Variants in FANCC observed in about 807,000 individuals in gnomAD.
The protein encoded by FANCC is Fanconi anemia group C protein.
Under a neutral mutation model 71.3 loss-of-function variants are expected in FANCC, and 55 were observed. The observed-to-expected ratio is 0.77, with a 90% confidence interval of 0.62 to 0.97. FANCC has a LOEUF of 0.97. Ranked by LOEUF, FANCC falls within the 50% of genes least tolerant of loss-of-function variation. The pLI is 0.00. For synonymous variants in FANCC, 275 were observed against 244.9 expected, an observed-to-expected ratio of 1.12 and a Z score of -1.15; for missense variants, 678 against 670.9, an observed-to-expected ratio of 1.01 and a Z score of -0.12.
chr9:95,255,292 C>T (rs760843164), intron 1 of FANCC, among the ~76,000 whole-genome samples: 20 of 152,106 alleles, frequency 1.3e-4, no homozygotes, highest in Non-Finnish European at 2.8e-4. Context: ...TCGACAGACA[C>T]CTCATACAGG....
At chr9:95,279,504 TAAAAAAA>T (rs777391112) in intron 1 of FANCC, among the ~76,000 whole-genome samples, 2 of 113,030 alleles carry the variant, frequency 1.8e-5, no homozygotes, top group South Asian at 5.5e-4. Context: ...AGACCCTGTC[TAAAAAAA>T]AAAAAAACAG....
intron 1 of FANCC, among the ~76,000 whole-genome samples, chr9:95,282,492 G>GT (rs1833437342): frequency 6.6e-6 from 1 of 152,070 alleles, no homozygotes. Context: ...TAGTAGAAGA[G>GT]TTTAACACCC....
chr9:95,144,629 G>A (rs1408750882), intron 7 of FANCC, among the ~76,000 whole-genome samples: 3 of 152,296 alleles, frequency 2.0e-5, no homozygotes, highest in African/African-American at 4.8e-5. Flanking sequence ...GGCTAGACAC[G>A]GGGGTGGCTG....
chr9:95,223,260 AT>A (rs1191032056), intron 4 of FANCC, among the ~76,000 whole-genome samples: 2 of 152,124 alleles, frequency 1.3e-5, no homozygotes, highest in Non-Finnish European at 2.9e-5. Flanking sequence ...CTAAGGGCTG[AT>A]ACCTTGTGAG....
At chr9:95,198,274 T>G (rs764825292) in intron 4 of FANCC, among the ~76,000 whole-genome samples, 2 of 152,220 alleles carry the variant, frequency 1.3e-5, no homozygotes, top group Non-Finnish European at 2.9e-5. Flanking sequence ...AATCTGCTAT[T>G]AAAACATTTT....
chr9:95,256,730 G>A (rs959425669), intron 1 of FANCC, among the ~76,000 whole-genome samples: 3 of 152,004 alleles, frequency 2.0e-5, no homozygotes, highest in Non-Finnish European at 4.4e-5. Flanking sequence ...CCAATTAAAG[G>A]ACACAAACTT....
At chr9:95,293,964 A>T (rs1834221332) in intron 1 of FANCC, 1 of 1,585,866 alleles carries the variant, frequency 6.3e-7, no homozygotes, top group Non-Finnish European at 8.7e-7. Flanking sequence ...CAGAGATAGT[A>T]ACTCATAGTT....
chr9:95,110,400 G>A (rs2071822962), intron 13 of FANCC: 1 of 1,024,070 alleles, frequency 9.8e-7, no homozygotes, highest in Non-Finnish European at 1.2e-6. Context: ...TCTTATTACT[G>A]TTAAAAACAT....
rs899561647 is a variant in FANCC at position 95,111,108 on chromosome 9, G to A, written c.1329+355C>T. ...CTGGCTGTGGCCAGGCTCTGCTGCC[G>A]GCACACCCCTCAGAACAGCCCGCCT... On this transcript the variant is annotated intron_variant, in intron 13 of 14. Coordinates refer to ENST00000289081, the MANE Select transcript of FANCC (RefSeq NM_000136.3). 2.6e-5 allele frequency: 40 copies of A among 1,523,564 alleles called. No individual in the cohort carries two copies. In the South Asian group the frequency reaches 3.2e-4, roughly 12 times the overall value. The allele number at this position is 1,523,564 out of a possible 1,614,324, so 94.4% of individuals were successfully genotyped here. A position where few individuals can be genotyped will look rare whatever the true frequency, so the allele number is the denominator to read the frequency against.
At chr9:95,227,705 C>A (rs904485124) in intron 4 of FANCC, among the ~76,000 whole-genome samples, 1 of 152,204 alleles carries the variant, frequency 6.6e-6, no homozygotes, top group Admixed American at 6.5e-5. Flanking sequence ...AAAGTTTTGC[C>A]TTCCAAGTTA....
chr9:95,124,568 T>A (rs551698857), intron 10 of FANCC, among the ~76,000 whole-genome samples: 15 of 152,300 alleles, frequency 9.8e-5, no homozygotes, highest in African/African-American at 2.9e-4. Context: ...CCCTTCTAGT[T>A]AGTCAAGCCT....
At chr9:95,306,554 G>A (rs559273415) in intron 1 of FANCC, among the ~76,000 whole-genome samples, 1 of 152,202 alleles carries the variant, frequency 6.6e-6, no homozygotes, top group African/African-American at 2.4e-5. Context: ...AGTTTCCCTG[G>A]GTAACAGCCA....
At chr9:95,261,090 G>A (rs1225908617) in intron 1 of FANCC, among the ~76,000 whole-genome samples, 1 of 152,202 alleles carries the variant, frequency 6.6e-6, no homozygotes, top group Non-Finnish European at 1.5e-5. Context: ...CAAAGAGGGA[G>A]AGACGTTCAA....
intron 4 of FANCC, among the ~76,000 whole-genome samples, chr9:95,190,896 C>G (rs1588253933): frequency 6.6e-6 from 1 of 152,324 alleles, no homozygotes; most frequent in Middle Eastern, 3.4e-3. Context: ...GGTCTTCTGT[C>G]ATGAAGGGCT....
intron 4 of FANCC, among the ~76,000 whole-genome samples, chr9:95,180,451 C>T (rs1042858291): frequency 2.0e-5 from 3 of 151,062 alleles, no homozygotes; most frequent in East Asian, 1.9e-4. Context: ...GCAATCTTCC[C>T]GCCTCAGCCT....
intron 4 of FANCC, among the ~76,000 whole-genome samples, chr9:95,180,641 CT>C (rs999685824): frequency 1.6e-3 from 231 of 144,110 alleles, no homozygotes; most frequent in Admixed American, 1.9e-3. Flanking sequence ...ATCTGGCCAA[CT>C]TTTTTTTTTT....
intron 6 of FANCC, among the ~76,000 whole-genome samples, chr9:95,157,035 C>T (rs1830492656): frequency 6.6e-6 from 1 of 152,180 alleles, no homozygotes; most frequent in African/African-American, 2.4e-5. Context: ...TTTCTAATTC[C>T]TCTCCTTTCA....
At chr9:95,159,667 T>C (rs547816411) in intron 6 of FANCC, among the ~76,000 whole-genome samples, 1 of 152,338 alleles carries the variant, frequency 6.6e-6, no homozygotes, top group East Asian at 1.9e-4. Context: ...AAAGCATTCC[T>C]ATTTCTCCAC....
rs150507131 is a variant in FANCC, at chr9:95,299,460, C to A, written c.-79+18066G>T. 3.8e-3 allele frequency among the ~76,000 whole-genome samples: 586 copies of A among 152,284 alleles called. 8 individuals are homozygous for A. Among genetic ancestry groups the A allele is most frequent in the African/African-American group, 0.014 (565 of 41,550 alleles). ...ACTGAAACCGTTATCCACATCTAAC[C>A]GCCTTCTTGGAGCAAAACCTTGTTT... On this transcript the variant is annotated intron_variant, in intron 1 of 14. Transcript: ENST00000289081.
Sources: gnomAD v4.1 joint callset for allele counts (sites outside exome capture counted in the v4.1 genomes callset) on GRCh38, gnomAD v4.1.1 for gene constraint, MANE v1.5 for transcripts, NCBI Gene and HGNC (gene_info 2026-07-23, HGNC 2026-07-21) for gene names.